The following CDH7 variants were observed in gnomAD, a reference collection of about 807,000 sequenced individuals.
The protein encoded by CDH7 is cadherin-7.
CDH7 carries 25 observed loss-of-function variants against 71.8 expected under a neutral mutation model. The ratio of observed to expected loss-of-function variants is 0.35; its 90% confidence interval spans 0.25 to 0.49. The LOEUF is 0.49. Ranked by LOEUF, CDH7 falls within the 20% of genes least tolerant of loss-of-function variation. The probability of loss-of-function intolerance (pLI) is 0.99; values close to 1 mark genes in which losing one functional copy is unlikely to be tolerated. For synonymous variants in CDH7, 381 were observed against 363.8 expected (o/e 1.05, Z -0.54); for missense variants, 862 against 974.6 (o/e 0.88, Z 1.54).
At chr18:65,763,452 T>C (rs1916263010) in intron 2 of CDH7, among the ~76,000 whole-genome samples, 1 of 152,172 alleles carries the variant, frequency 6.6e-6, no homozygotes, top group Non-Finnish European at 1.5e-5. Flanking sequence ...ATTAAAATGA[T>C]GTCCAGACTA....
chr18:65,778,293 A>T (rs1417573040), intron 2 of CDH7, among the ~76,000 whole-genome samples: 1 of 150,888 alleles, frequency 6.6e-6, no homozygotes. Context: ...AAAAAAAAAA[A>T]AAAAAAAACC....
At chr18:65,809,607 T>G (rs1387408052) in intron 2 of CDH7, 97 bp from the exon 3 acceptor site, 6 of 1,012,044 alleles carry the variant, frequency 5.9e-6, no homozygotes, top group Non-Finnish European at 3.0e-6. Context: ...CAATAAAATT[T>G]CATGTACTCC....
intron 10 of CDH7, among the ~76,000 whole-genome samples, chr18:65,861,829 C>T (rs562856005): frequency 6.6e-6 from 1 of 152,090 alleles, no homozygotes; most frequent in East Asian, 1.9e-4. Context: ...GCATGAAACT[C>T]TGATCCTGAT....
intron 1 of CDH7, among the ~76,000 whole-genome samples, chr18:65,751,883 A>T (rs1915890783): frequency 6.6e-6 from 1 of 152,008 alleles, no homozygotes; most frequent in East Asian, 1.9e-4. Flanking sequence ...ATGAGAAAAG[A>T]CCCGTTATTC....
chr18:65,876,597 C>T (rs1914080502), intron 11 of CDH7, among the ~76,000 whole-genome samples: 1 of 152,092 alleles, frequency 6.6e-6, no homozygotes, highest in Admixed American at 6.6e-5. Flanking sequence ...CTACCCTCAG[C>T]CTCCAGTTAT....
intron 1 of CDH7, among the ~76,000 whole-genome samples, chr18:65,760,473 T>A (rs1916159326): frequency 6.6e-6 from 1 of 152,206 alleles, no homozygotes; most frequent in Admixed American, 6.5e-5. Context: ...TCTGAAACAA[T>A]GTTACCACAT....
At chr18:65,877,043 A>G (rs951230821) in intron 11 of CDH7, among the ~76,000 whole-genome samples, 1 of 152,218 alleles carries the variant, frequency 6.6e-6, no homozygotes, top group Non-Finnish European at 1.5e-5. Context: ...TCTTCTTAAT[A>G]CAGTGATTAG....
intron 2 of CDH7, among the ~76,000 whole-genome samples, chr18:65,778,239 T>C (rs1363293259): frequency 7.1e-5 from 9 of 126,908 alleles, no homozygotes; most frequent in Non-Finnish European, 9.4e-5. Flanking sequence ...GCTACTGCAC[T>C]CCAGCATGGG....
At chr18:65,861,502 A>T (rs1328952044) in intron 10 of CDH7, among the ~76,000 whole-genome samples, 1 of 152,044 alleles carries the variant, frequency 6.6e-6, no homozygotes, top group Non-Finnish European at 1.5e-5. Context: ...ACAGGAACTT[A>T]CTCAAAACAG....
chr18:65,786,981 C>T (rs1415746077), intron 2 of CDH7, among the ~76,000 whole-genome samples: 4 of 152,220 alleles, frequency 2.6e-5, no homozygotes, highest in Middle Eastern at 3.4e-3. Flanking sequence ...AATCACTAAG[C>T]CCACTCTATT....
chr18:65,865,552 A>G (rs1913728343), intron 11 of CDH7: 1 of 152,166 alleles, frequency 6.6e-6, no homozygotes, highest in African/African-American at 2.4e-5. Context: ...AATTTGGAAC[A>G]AGGGGCTTCT....
intron 6 of CDH7, among the ~76,000 whole-genome samples, chr18:65,827,922 A>T (rs1912191818): frequency 6.6e-6 from 1 of 151,926 alleles, no homozygotes; most frequent in Non-Finnish European, 1.5e-5. Flanking sequence ...TATACAGTGC[A>T]GATAATATCA....
rs144281309 is a variant in CDH7 at position 65,857,968 on chromosome 18, T to C, written c.1372+16T>C. Reference sequence around the variant, plus strand: ...ATGGAGAGCCGTAAGTTGTGAGGCTTAAAACTAAATTAAGATGGAGGACAG... The same window carrying C: ...ATGGAGAGCCGTAAGTTGTGAGGCTCAAAACTAAATTAAGATGGAGGACAG... On this transcript the variant is annotated intron_variant, in intron 8 of 11. Transcript: ENST00000397968. 2,588 of 1,610,992 alleles carry C rather than the reference T, an allele frequency of 1.6e-3. 58 individuals are homozygous for C. In the Admixed American group the frequency reaches 0.041, roughly 25 times the overall value.
At chr18:65,859,131 T>A in intron 9 of CDH7, 85 bp downstream of exon 9, 1 of 1,297,254 alleles carries the variant, frequency 7.7e-7, no homozygotes, top group African/African-American at 1.5e-5. Context: ...TTCTTCCAGC[T>A]TTAAGATAAA....
At chr18:65,763,271 A>G (rs1458825386) in intron 2 of CDH7, among the ~76,000 whole-genome samples, 1 of 152,178 alleles carries the variant, frequency 6.6e-6, no homozygotes, top group Non-Finnish European at 1.5e-5. Flanking sequence ...TATATTAGGG[A>G]ATGATGCTTC....
In CDH7 at chr18:65,778,529, CTTTT is replaced by C. The variant is rs1156727313; in HGVS notation, c.210+15494_210+15497del. 1.4e-3 allele frequency among the ~76,000 whole-genome samples: 122 copies of C among 84,326 alleles called. 4 individuals carry two copies. Among genetic ancestry groups the C allele is most frequent in the African/African-American group, 5.1e-3 (116 of 22,628 alleles). 55.3% of individuals were successfully genotyped at this position (84,326 alleles called of 152,430 possible). On this transcript the variant is annotated intron_variant, in intron 2 of 11. Coordinates refer to ENST00000397968, the MANE Select transcript of CDH7 (RefSeq NM_004361.5). ...AATTTTTTGCCCCAGGCGTCTCACT[CTTTT>C]TTTTTTTTTTTTTTTTACATAAAAA...
Position 65,824,743 on chromosome 18 carries a change from A to G in CDH7, c.893A>G (p.Glu298Gly). The change falls in exon 6 of 12, where the codon GAG becomes GGG. Residue 298 changes from glutamate (E) to glycine (G), a missense_variant. Glu to Gly is a moderately conservative substitution (Grantham distance 98, BLOSUM62 -2). Coordinates refer to ENST00000397968, the MANE Select transcript of CDH7 (RefSeq NM_004361.5). ...GATATTGGAGCTAATGCTGAAATGG[A>G]GTACAAGATTGTGGATGGTGATGGT... ...DADIGANAEM[E>G]YKIVDGDGLG... 1.9e-6 allele frequency: 3 copies of G among 1,612,714 alleles called. No homozygotes were observed. The highest frequency in any genetic ancestry group is 2.5e-6 in the Non-Finnish European group (3 of 1,178,932).
At chr18:65,864,385 T>G (rs986628934) in intron 11 of CDH7, among the ~76,000 whole-genome samples, 1 of 151,720 alleles carries the variant, frequency 6.6e-6, no homozygotes, top group African/African-American at 2.4e-5. Flanking sequence ...GTTTTTTGTT[T>G]GTTTGTTTTT....
chr18:65,771,656 A>G (rs1410839615), intron 2 of CDH7, among the ~76,000 whole-genome samples: 3 of 151,832 alleles, frequency 2.0e-5, no homozygotes, highest in Admixed American at 6.6e-5. Context: ...AGCCTGGTCT[A>G]GAAAGTGAGA....
Sources: allele counts gnomAD v4.1 joint callset (sites outside exome capture counted in the v4.1 genomes callset), GRCh38; gene constraint gnomAD v4.1.1; transcripts MANE v1.5; gene names NCBI Gene and HGNC (gene_info 2026-07-23, HGNC 2026-07-21).